Variants in PHLDB2 observed in about 807,000 individuals in gnomAD.
PHLDB2 encodes the protein pleckstrin homology like domain family B member 2.
PHLDB2 carries 71 observed loss-of-function variants against 123.6 expected under a neutral mutation model. The observed-to-expected ratio is 0.57, with a 90% confidence interval of 0.47 to 0.70. PHLDB2 has a LOEUF of 0.70. PHLDB2 is among the 30% of genes least tolerant of loss of function. The pLI is 0.00. For synonymous variants in PHLDB2, 547 were observed against 541.6 expected (o/e 1.01, Z -0.14); for missense variants, 1,446 against 1,519.5 (o/e 0.95, Z 0.80).
chr3:111,956,841 T>C lies in PHLDB2; in HGVS notation c.2872+2812T>C, dbSNP rs1480189594. Among the ~76,000 whole-genome samples the C allele has an allele frequency of 3.3e-5, 5 of 152,244 alleles. No homozygotes were observed. In the East Asian group the frequency reaches 9.6e-4, roughly 29 times the overall value. ...ATAATTTCATTTAGAATTGTTTGACTAGCACTTGTTAACTTTATTAAAATA... is the reference window on the plus strand; with the variant it reads ...ATAATTTCATTTAGAATTGTTTGACCAGCACTTGTTAACTTTATTAAAATA... On this transcript the variant is annotated intron_variant, in intron 12 of 17. Coordinates refer to ENST00000431670, the MANE Select transcript of PHLDB2 (RefSeq NM_001134438.2).
intron 2 of PHLDB2, among the ~76,000 whole-genome samples, chr3:111,848,529 C>G (rs143515150): frequency 6.6e-6 from 1 of 152,156 alleles, no homozygotes; most frequent in East Asian, 1.9e-4. Flanking sequence ...AACAGCACTC[C>G]AAGTGTTGAG....
At chr3:111,783,677 C>T (rs2060570530) in intron 1 of PHLDB2, among the ~76,000 whole-genome samples, 1 of 151,994 alleles carries the variant, frequency 6.6e-6, no homozygotes. Context: ...AGAAAATTGA[C>T]CTTCTAATTT....
intron 1 of PHLDB2, among the ~76,000 whole-genome samples, chr3:111,868,031 G>T (rs967085623): frequency 6.6e-6 from 1 of 151,666 alleles, no homozygotes; most frequent in Non-Finnish European, 1.5e-5. Context: ...ACAGGATCTT[G>T]CTGCGTCACC....
chr3:111,877,313 A>C (rs1299159582), intron 1 of PHLDB2, among the ~76,000 whole-genome samples: 1 of 152,254 alleles, frequency 6.6e-6, no homozygotes, highest in African/African-American at 2.4e-5. Context: ...CATTTCTCTA[A>C]TGACCAGTGA....
At chr3:111,829,757 C>T (rs1251389913) in intron 1 of PHLDB2, among the ~76,000 whole-genome samples, 1 of 152,058 alleles carries the variant, frequency 6.6e-6, no homozygotes, top group Non-Finnish European at 1.5e-5. Context: ...CCACCGCGCC[C>T]GACCAACATC....
intron 15 of PHLDB2, 41 bp downstream of exon 15, chr3:111,967,865 C>A (rs1370195124): frequency 1.3e-6 from 2 of 1,535,736 alleles, no homozygotes; most frequent in Admixed American, 4.0e-5. Context: ...AGGTTGCCCC[C>A]TGGTGGCAGT....
chr3:111,816,052 C>G (rs1035923267), intron 1 of PHLDB2, among the ~76,000 whole-genome samples: 1 of 152,038 alleles, frequency 6.6e-6, no homozygotes, highest in Non-Finnish European at 1.5e-5. Flanking sequence ...TGCGAGTGAA[C>G]AGAAATCAAG....
intron 1 of PHLDB2, among the ~76,000 whole-genome samples, chr3:111,868,491 C>T (rs2065190053): frequency 6.6e-6 from 1 of 152,050 alleles, no homozygotes. Context: ...TCCTCCCACC[C>T]CTGGGGACTT....
chr3:111,960,093 TC>T, intron 12 of PHLDB2: 1 of 662,566 alleles, frequency 1.5e-6, no homozygotes, highest in Non-Finnish European at 1.9e-6. Context: ...TCAAATAATT[TC>T]TGTTGTTTTT....
intron 1 of PHLDB2, among the ~76,000 whole-genome samples, chr3:111,793,235 G>A (rs2061004892): frequency 6.6e-6 from 1 of 152,254 alleles, no homozygotes; most frequent in African/African-American, 2.4e-5. Flanking sequence ...GGCTAAGCTG[G>A]CTCCAAAGCC....
At chr3:111,746,159 T>C (rs1172844034) in intron 1 of PHLDB2, among the ~76,000 whole-genome samples, 1 of 152,230 alleles carries the variant, frequency 6.6e-6, no homozygotes, top group Non-Finnish European at 1.5e-5. Flanking sequence ...TCAAGCACTT[T>C]GGAGTTATGG....
At chr3:111,868,293 T>C (rs540654747) in intron 1 of PHLDB2, among the ~76,000 whole-genome samples, 2 of 152,324 alleles carry the variant, frequency 1.3e-5, no homozygotes, top group Non-Finnish European at 2.9e-5. Context: ...GTGCTGGGAT[T>C]ATGAGCCTCA....
At chr3:111,778,529 G>A (rs2060308240) in intron 1 of PHLDB2, 1 of 151,726 alleles carries the variant, frequency 6.6e-6, no homozygotes, top group South Asian at 2.1e-4. Context: ...CCCCGCATTA[G>A]GCTGCATTAA....
chr3:111,962,409 CCAAATTTTTGAGA>C, intron 13 of PHLDB2, 97 bp downstream of exon 13: 1 of 1,131,240 alleles, frequency 8.8e-7, no homozygotes, highest in Non-Finnish European at 1.3e-6. Flanking sequence ...ATGCACAAGC[CCAAATTTTTGAGA>C]CATAAAGGGT....
At chr3:111,922,370 T>A (rs1023898481) in intron 5 of PHLDB2, among the ~76,000 whole-genome samples, 1 of 152,196 alleles carries the variant, frequency 6.6e-6, no homozygotes, top group South Asian at 2.1e-4. Context: ...CAAGGTGGAA[T>A]TCTCAGGTGG....
chr3:111,860,595 C>T (rs2064782986), intron 1 of PHLDB2, among the ~76,000 whole-genome samples: 1 of 152,208 alleles, frequency 6.6e-6, no homozygotes, highest in Admixed American at 6.5e-5. Context: ...CTGTCCCTCC[C>T]AGGGTTGGGG....
At chr3:111,819,214 C>T (rs545992834) in intron 1 of PHLDB2, among the ~76,000 whole-genome samples, 1 of 152,028 alleles carries the variant, frequency 6.6e-6, no homozygotes, top group South Asian at 2.1e-4. Flanking sequence ...CCCAAATGCC[C>T]ATCTCTGACT....
At chr3:111,860,597 G>A (rs1442921700) in intron 1 of PHLDB2, among the ~76,000 whole-genome samples, 1 of 152,186 alleles carries the variant, frequency 6.6e-6, no homozygotes, top group African/African-American at 2.4e-5. Context: ...GTCCCTCCCA[G>A]GGTTGGGGTT....
At chr3:111,787,661 C>G (rs1294802870) in intron 1 of PHLDB2, among the ~76,000 whole-genome samples, 1 of 152,084 alleles carries the variant, frequency 6.6e-6, no homozygotes, top group African/African-American at 2.4e-5. Context: ...CTGCTTCTGA[C>G]CTGCCTTTTT....
Sources: gnomAD v4.1 joint callset for allele counts (sites outside exome capture counted in the v4.1 genomes callset) on GRCh38, gnomAD v4.1.1 for gene constraint, MANE v1.5 for transcripts, NCBI Gene and HGNC (gene_info 2026-07-23, HGNC 2026-07-21) for gene names.